RASGEF1B: variants seen among roughly 807,000 people sequenced by gnomAD.
RASGEF1B encodes RasGEF domain family member 1B, also known as ras-GEF domain-containing family member 1B.
A neutral mutation model predicts 65.7 loss-of-function variants in RASGEF1B; 30 were observed. The ratio of observed to expected loss-of-function variants is 0.46; its 90% CI spans 0.34 to 0.62. The LOEUF is 0.62. RASGEF1B is among the 20% of genes least tolerant of loss of function. The probability of loss-of-function intolerance (pLI) is 0.01; values close to 1 mark genes in which losing one functional copy is unlikely to be tolerated. For missense variants in RASGEF1B, 495 were observed against 580.1 expected, an observed-to-expected ratio of 0.85 and a Z score of 1.51; for synonymous variants, 175 against 194.8, an observed-to-expected ratio of 0.90 and a Z score of 0.85.
At chr4:81,440,153 A>G (rs1189773692) in intron 10 of RASGEF1B, among the ~76,000 whole-genome samples, 1 of 152,160 alleles carries the variant, frequency 6.6e-6, no homozygotes, top group Non-Finnish European at 1.5e-5. Flanking sequence ...CTAAGTATTC[A>G]CCTCTCAAAT....
chr4:81,430,170 G>C (rs59979939), intron 13 of RASGEF1B, among the ~76,000 whole-genome samples: 17,810 of 152,138 alleles, frequency 0.12, 1,151 homozygotes, highest in African/African-American at 0.14. Flanking sequence ...GCGTGGTGGC[G>C]GGCGCCTGTA....
At chr4:81,450,552 T>A (rs1179167341) in intron 4 of RASGEF1B, among the ~76,000 whole-genome samples, 2 of 151,864 alleles carry the variant, frequency 1.3e-5, no homozygotes, top group South Asian at 2.1e-4. Context: ...GTTGTTGTTG[T>A]TGATGCCTTT....
chr4:81,429,371 AAAG>A (rs1385473763), intron 13 of RASGEF1B, among the ~76,000 whole-genome samples: 1 of 152,198 alleles, frequency 6.6e-6, no homozygotes, highest in African/African-American at 2.4e-5. Flanking sequence ...CTTTTATACC[AAAG>A]AATATAATTT....
At chr4:81,434,614 T>C in intron 11 of RASGEF1B, 25 bp downstream of exon 11, 1 of 1,426,716 alleles carries the variant, frequency 7.0e-7, no homozygotes, top group East Asian at 2.3e-5. Context: ...GCTTGGATTT[T>C]TGTATCCTAC....
chr4:81,450,936 A>G (rs573987557), intron 4 of RASGEF1B: 3 of 152,224 alleles, frequency 2.0e-5, no homozygotes, highest in South Asian at 2.1e-4. Flanking sequence ...CCAAAATGTC[A>G]TAACAAATGA....
chr4:81,439,518 T>C (rs968840409), intron 10 of RASGEF1B, among the ~76,000 whole-genome samples: 1 of 152,192 alleles, frequency 6.6e-6, no homozygotes, highest in Non-Finnish European at 1.5e-5. Context: ...CTCACAGATA[T>C]GACTCCACAG....
chr4:81,449,688 T>C (rs889034524), intron 4 of RASGEF1B, among the ~76,000 whole-genome samples: 1 of 152,198 alleles, frequency 6.6e-6, no homozygotes, highest in Non-Finnish European at 1.5e-5. Context: ...CACAATATCA[T>C]TTGCTGAGAT....
Position 81,450,087 on chromosome 4 carries a change from T to C in RASGEF1B, c.439-1803A>G, listed in dbSNP as rs145648459. ...AAGGTTATCAGTTTAGAAAATGCTA[T>C]TTGGTAATATGTTTGTCACTCAAGG... On this transcript the variant is annotated intron_variant, in intron 4 of 13. Transcript: ENST00000264400. Among the ~76,000 whole-genome samples, 463 of 152,318 alleles carry C rather than the reference T, an allele frequency of 3.0e-3. 4 individuals carry two copies. Among genetic ancestry groups the C allele is most frequent in the African/African-American group, 0.011 (440 of 41,562 alleles).
intron 4 of RASGEF1B, chr4:81,453,916 C>T (rs1271661699): frequency 6.6e-6 from 1 of 152,214 alleles, no homozygotes; most frequent in Non-Finnish European, 1.5e-5. Flanking sequence ...GATTTGAATT[C>T]TGAATACTGA....
intron 4 of RASGEF1B, among the ~76,000 whole-genome samples, chr4:81,449,274 G>A (rs1722163124): frequency 6.6e-6 from 1 of 152,088 alleles, no homozygotes; most frequent in Non-Finnish European, 1.5e-5. Flanking sequence ...AATTCTCCCT[G>A]CAACACTACT....
At chr4:81,446,185 G>T (rs1167342841) in intron 6 of RASGEF1B, among the ~76,000 whole-genome samples, 1 of 152,198 alleles carries the variant, frequency 6.6e-6, no homozygotes, top group Non-Finnish European at 1.5e-5. Flanking sequence ...GATCAGCCTG[G>T]CTAACATGGT....
chr4:81,462,080 A>G (rs1722665268), intron 1 of RASGEF1B, among the ~76,000 whole-genome samples: 1 of 152,224 alleles, frequency 6.6e-6, no homozygotes, highest in African/African-American at 2.4e-5. Flanking sequence ...ATTCAGATTT[A>G]ATGAAGTCCT....
chr4:81,449,185 A>G (rs1722159204), intron 4 of RASGEF1B, among the ~76,000 whole-genome samples: 1 of 151,902 alleles, frequency 6.6e-6, no homozygotes, highest in African/African-American at 2.4e-5. Context: ...CTGGCATCTG[A>G]CCTCCACTGG....
At chr4:81,447,172 G>A (rs1297010867) in intron 6 of RASGEF1B, among the ~76,000 whole-genome samples, 2 of 152,026 alleles carry the variant, frequency 1.3e-5, no homozygotes, top group Non-Finnish European at 2.9e-5. Flanking sequence ...TTCTCTCTTA[G>A]CAGATTCTTA....
chr4:81,448,315 C>T (rs773494956), intron 4 of RASGEF1B, 31 bp from the exon 5 acceptor site: 1 of 1,575,690 alleles, frequency 6.3e-7, no homozygotes, highest in South Asian at 1.1e-5. Flanking sequence ...TACATCCGTA[C>T]TCTGCGTGTC....
Position 81,434,753 on chromosome 4 carries a change from T to A in RASGEF1B, c.1105-19A>T, listed in dbSNP as rs1721553602. ...TCACAATCTAGAGGAAACAAAAGAT[T>A]CTGGTTGGTCTGGGCAAACAAATAT... On this transcript the variant is annotated intron_variant, in intron 10 of 13. Transcript: ENST00000264400. The A allele has an allele frequency of 7.8e-7, 1 of 1,274,338 alleles. No individual in the cohort carries two copies. Among genetic ancestry groups the A allele is most frequent in the East Asian group, 2.3e-5 (1 of 42,832 alleles). 78.9% of individuals were successfully genotyped at this position (1,274,338 alleles called of 1,614,324 possible).
intron 11 of RASGEF1B, 45 bp downstream of exon 11, chr4:81,434,594 C>A: frequency 8.8e-7 from 1 of 1,130,334 alleles, no homozygotes; most frequent in South Asian, 1.2e-5. Context: ...GAAGCTGCCC[C>A]TCTCCTTGTG....
intron 4 of RASGEF1B, chr4:81,452,303 T>C (rs553180298): frequency 1.3e-5 from 2 of 152,216 alleles, no homozygotes; most frequent in East Asian, 3.9e-4. Flanking sequence ...AGAAATGGGG[T>C]TTCTCCATGG....
chr4:81,434,089 A>T, intron 11 of RASGEF1B, 126 bp from the exon 12 acceptor site: 1 of 824,906 alleles, frequency 1.2e-6, no homozygotes, highest in Non-Finnish European at 1.9e-6. Context: ...TCACTCTGTC[A>T]CCAAAGCTAG....
Sources: gnomAD v4.1 joint callset for allele counts (sites outside exome capture counted in the v4.1 genomes callset) on GRCh38, gnomAD v4.1.1 for gene constraint, MANE v1.5 for transcripts, NCBI Gene and HGNC (gene_info 2026-07-23, HGNC 2026-07-21) for gene names.